POC1A: variants seen among roughly 807,000 people sequenced by gnomAD.
POC1A encodes the protein POC1 centriolar protein homolog A.
In POC1A, 34 loss-of-function variants were observed where a neutral mutation model predicts 47.8. The observed-to-expected ratio is 0.71, with a 90% confidence interval of 0.54 to 0.95. POC1A has a LOEUF of 0.95. POC1A is among the 40% of genes least tolerant of loss of function. The probability of loss-of-function intolerance (pLI) is 0.00; values close to 1 mark genes in which losing one functional copy is unlikely to be tolerated. For missense variants in POC1A, 466 were observed against 528.3 expected (o/e 0.88, Z 1.16); for synonymous variants, 177 against 207.6 (o/e 0.85, Z 1.27).
intron 10 of POC1A, among the ~76,000 whole-genome samples, chr3:52,085,172 GGCA>G (rs1702417745): frequency 6.6e-6 from 1 of 152,102 alleles, no homozygotes; most frequent in African/African-American, 2.4e-5. Flanking sequence ...CATTGGCAGG[GGCA>G]GCCACATCAG....
intron 6 of POC1A, among the ~76,000 whole-genome samples, chr3:52,140,900 A>C (rs560834701): frequency 6.6e-6 from 1 of 152,342 alleles, no homozygotes; most frequent in East Asian, 1.9e-4. Context: ...TGAGGGCATG[A>C]GCCTTCTATC....
At chr3:52,151,128 G>A (rs774356413) in intron 1 of POC1A, 28 bp from the exon 2 acceptor site, 16 of 1,613,102 alleles carry the variant, frequency 9.9e-6, no homozygotes, top group Non-Finnish European at 1.4e-5. Flanking sequence ...TCAAATGTGT[G>A]AAGCCTGGGT....
intron 9 of POC1A, among the ~76,000 whole-genome samples, chr3:52,118,463 G>C (rs893367857): frequency 6.6e-6 from 1 of 152,238 alleles, no homozygotes; most frequent in African/African-American, 2.4e-5. Flanking sequence ...AGTGAACAGA[G>C]CTCTATTCAG....
Position 52,084,416 on chromosome 3 carries a change from C to T in POC1A, c.1126-8431G>A, listed in dbSNP as rs975942474. ...GACCCGCCTTGGGGGCAGCCAACAA[C>T]ATCATTCACTCCCATACCTCTGTCA... On this transcript the variant is annotated intron_variant, in intron 10 of 10. Transcript: ENST00000296484. This position sits in a 1 kb window ranked among gnomAD's most constrained non-coding sequence, Gnocchi z 4.3. Among the ~76,000 whole-genome samples the T allele has an allele frequency of 6.6e-6, 1 of 152,194 alleles. No individual in the cohort carries two copies. The highest frequency in any genetic ancestry group is 2.4e-5 in the African/African-American group (1 of 41,462).
intron 8 of POC1A, among the ~76,000 whole-genome samples, chr3:52,123,508 C>T (rs967134031): frequency 6.6e-6 from 1 of 152,108 alleles, no homozygotes; most frequent in Non-Finnish European, 1.5e-5. Context: ...CAGCTGTGAG[C>T]CTCGTTCTTC....
chr3:52,124,756 G>A (rs1194714156), intron 8 of POC1A, among the ~76,000 whole-genome samples: 1 of 152,234 alleles, frequency 6.6e-6, no homozygotes, highest in Non-Finnish European at 1.5e-5. Flanking sequence ...CAGGCCTAAA[G>A]TAAGATCATA....
rs1702401634 is a variant in POC1A, at chr3:52,084,657, T to A, written c.1126-8672A>T. On this transcript the variant is annotated intron_variant, in intron 10 of 10. Coordinates refer to ENST00000296484, the MANE Select transcript of POC1A (RefSeq NM_015426.5). The surrounding 1 kb of genome is among the most constrained non-coding windows in gnomAD (Gnocchi z 4.3). The stretch of plus-strand genomic sequence containing the variant: ...CTTCACTCGAGGCTTCCCCAGTCCA[T>A]CCCCCTGCCCCCCCAGCTCTGGGGC... Among the ~76,000 whole-genome samples the A allele has an allele frequency of 6.6e-6, 1 of 152,112 alleles. No individual in the cohort carries two copies. Among genetic ancestry groups the A allele is most frequent in the African/African-American group, 2.4e-5 (1 of 41,420 alleles).
intron 6 of POC1A, among the ~76,000 whole-genome samples, chr3:52,141,278 T>A (rs1698184921): frequency 6.6e-6 from 1 of 152,216 alleles, no homozygotes; most frequent in South Asian, 2.1e-4. Context: ...CTAGGCCCAC[T>A]ACCTAACGGG....
chr3:52,078,784 C>A (rs895115518), intron 10 of POC1A, among the ~76,000 whole-genome samples: 2 of 152,212 alleles, frequency 1.3e-5, no homozygotes, highest in African/African-American at 4.8e-5. Flanking sequence ...CAGGCGTGAG[C>A]CCCTGCGCCC....
intron 10 of POC1A, among the ~76,000 whole-genome samples, chr3:52,089,110 GT>G (rs1434130084): frequency 2.0e-5 from 3 of 151,836 alleles, no homozygotes; most frequent in African/African-American, 7.3e-5. Flanking sequence ...CTGCCACCCA[GT>G]CCCCCTGCAA....
chr3:52,090,726 A>G lies in POC1A; in HGVS notation c.1125+5843T>C, dbSNP rs763237911. Among the ~76,000 whole-genome samples the G allele has an allele frequency of 7.3e-5, 11 of 151,326 alleles. No individual in the cohort carries two copies. Among genetic ancestry groups the G allele is most frequent in the Non-Finnish European group, 1.5e-4 (10 of 67,784 alleles). On this transcript the variant is annotated intron_variant, in intron 10 of 10. Transcript: ENST00000296484. The surrounding 1 kb of genome is among the most constrained non-coding windows in gnomAD (Gnocchi z 4.2). ...GCATCACCCCCAAGAGCACAAGGGG[A>G]AACAGTACCAGGGTCAGGCCCAGGG...
At chr3:52,111,820 C>T (rs1298899794) in intron 9 of POC1A, among the ~76,000 whole-genome samples, 4 of 152,150 alleles carry the variant, frequency 2.6e-5, no homozygotes, top group Admixed American at 6.5e-5. Context: ...CTGGCCTAGG[C>T]ATCCACATGT....
intron 9 of POC1A, among the ~76,000 whole-genome samples, chr3:52,113,562 T>C (rs531118389): frequency 6.6e-6 from 1 of 152,216 alleles, no homozygotes; most frequent in African/African-American, 2.4e-5. Flanking sequence ...AGTTCGCCGG[T>C]GTGGTGGTGT....
intron 3 of POC1A, 78 bp from the exon 4 acceptor site, chr3:52,149,467 A>G: frequency 1.5e-6 from 2 of 1,366,902 alleles, no homozygotes; most frequent in South Asian, 2.5e-5. Context: ...AAGCTCTCCT[A>G]CTCCTCAAGC....
At chr3:52,077,888 C>G (rs147323740) in intron 10 of POC1A, among the ~76,000 whole-genome samples, 17 of 152,124 alleles carry the variant, frequency 1.1e-4, no homozygotes, top group Middle Eastern at 3.4e-3. Context: ...GGGCCAACGT[C>G]AATACAAGGG....
intron 4 of POC1A, 64 bp downstream of exon 4, chr3:52,149,146 G>A: frequency 1.4e-6 from 2 of 1,444,438 alleles, no homozygotes; most frequent in Non-Finnish European, 1.9e-6. Flanking sequence ...GTACCTAGCA[G>A]CCCCTGGGCC....
Position 52,087,510 on chromosome 3 carries a change from T to C in POC1A, c.1125+9059A>G, listed in dbSNP as rs574487153. ...GTTGTTTCACATTATCTCAGGGATA[T>C]AGGATTTCTCTGACGGTTTTGCATC... On this transcript the variant is annotated intron_variant, in intron 10 of 10. Coordinates refer to ENST00000296484, the MANE Select transcript of POC1A (RefSeq NM_015426.5). Among the ~76,000 whole-genome samples, 302 of 152,298 alleles carry C rather than the reference T, an allele frequency of 2.0e-3. 2 individuals carry two copies. Among genetic ancestry groups the C allele is most frequent in the Admixed American group, 4.3e-3 (66 of 15,304 alleles).
chr3:52,127,274 C>A (rs558627881), intron 7 of POC1A, among the ~76,000 whole-genome samples: 1 of 152,342 alleles, frequency 6.6e-6, no homozygotes, highest in East Asian at 1.9e-4. Context: ...GCAGGGCATC[C>A]ATCACTCAGA....
chr3:52,118,947 C>A (rs142030121), intron 9 of POC1A, among the ~76,000 whole-genome samples: 3 of 151,650 alleles, frequency 2.0e-5, no homozygotes, highest in Non-Finnish European at 2.9e-5. Context: ...TCAGGAAAGG[C>A]AAAAACACTC....
Sources: allele counts gnomAD v4.1 joint callset (sites outside exome capture counted in the v4.1 genomes callset), GRCh38; gene constraint gnomAD v4.1.1; non-coding constraint Gnocchi (gnomAD v3.1); transcripts MANE v1.5; gene names NCBI Gene and HGNC (gene_info 2026-07-23, HGNC 2026-07-21).